The following PTPRM variants were observed in gnomAD, a reference collection of about 807,000 sequenced individuals.
The protein encoded by PTPRM is protein tyrosine phosphatase receptor type M.
Under a neutral mutation model 186.7 loss-of-function variants are expected in PTPRM, and 47 were observed. That is an observed-to-expected ratio of 0.25 (90% CI 0.20 to 0.32). The LOEUF (loss-of-function observed/expected upper bound fraction) is 0.32, where lower values mean the gene tolerates loss of function less well. Among genes scored for constraint, PTPRM ranks in the 10% least tolerant of loss-of-function variants. The probability of loss-of-function intolerance (pLI) is 1.00; values close to 1 mark genes in which losing one functional copy is unlikely to be tolerated. For synonymous variants in PTPRM, 668 were observed against 674.9 expected (o/e 0.99, Z 0.16); for missense variants, 1,494 against 1,865.0 (o/e 0.80, Z 3.66).
At chr18:8,112,386 C>T (rs1211740115) in intron 11 of PTPRM, among the ~76,000 whole-genome samples, 3 of 152,090 alleles carry the variant, frequency 2.0e-5, no homozygotes, top group Non-Finnish European at 4.4e-5. Context: ...CTAGGCATTC[C>T]CCCCATGGGT....
At chr18:8,250,270 G>C (rs905835848) in intron 17 of PTPRM, among the ~76,000 whole-genome samples, 5 of 152,000 alleles carry the variant, frequency 3.3e-5, no homozygotes, top group Non-Finnish European at 7.4e-5. Flanking sequence ...ATGGATGGAT[G>C]GATCGATAGA....
chr18:8,375,603 G>A (rs12455810), intron 24 of PTPRM, among the ~76,000 whole-genome samples: 3,814 of 152,194 alleles, frequency 0.025, 67 homozygotes, highest in African/African-American at 0.048. Context: ...CCAGGATGCC[G>A]GAAAGCCCCA....
At chr18:7,624,720 GC>G (rs1445438009) in intron 1 of PTPRM, among the ~76,000 whole-genome samples, 2 of 152,152 alleles carry the variant, frequency 1.3e-5, no homozygotes, top group Non-Finnish European at 1.5e-5. Flanking sequence ...CAAGCAATCA[GC>G]CCACCTTGGC....
intron 1 of PTPRM, among the ~76,000 whole-genome samples, chr18:7,697,228 A>T (rs1342448965): frequency 6.6e-6 from 1 of 152,194 alleles, no homozygotes; most frequent in African/African-American, 2.4e-5. Context: ...GTTTAGCTCG[A>T]TGAAGCAGTT....
intron 1 of PTPRM, among the ~76,000 whole-genome samples, chr18:7,589,308 T>C (rs997762033): frequency 9.8e-5 from 15 of 152,310 alleles, no homozygotes; most frequent in South Asian, 8.3e-4. Context: ...GGCTTTCTTT[T>C]GGCAGCTATG....
At chr18:8,183,380 C>T (rs1411220033) in intron 14 of PTPRM, among the ~76,000 whole-genome samples, 2 of 152,230 alleles carry the variant, frequency 1.3e-5, no homozygotes, top group South Asian at 2.1e-4. Flanking sequence ...TATAATCAAT[C>T]GGGAGAGACA....
At chr18:8,160,428 T>C (rs1025832684) in intron 14 of PTPRM, among the ~76,000 whole-genome samples, 1 of 152,072 alleles carries the variant, frequency 6.6e-6, no homozygotes, top group African/African-American at 2.4e-5. Flanking sequence ...ACTGCAGACA[T>C]GCGCCACCAC....
intron 2 of PTPRM, among the ~76,000 whole-genome samples, chr18:7,794,117 C>T (rs897066547): frequency 2.6e-5 from 4 of 152,132 alleles, no homozygotes; most frequent in African/African-American, 7.2e-5. Context: ...AATAAAACCT[C>T]GCACTCATTC....
At chr18:8,400,092 C>G (rs1209199274) in intron 32 of PTPRM, among the ~76,000 whole-genome samples, 1 of 152,150 alleles carries the variant, frequency 6.6e-6, no homozygotes, top group Non-Finnish European at 1.5e-5. Context: ...CAGGGCAGAG[C>G]TCAATCACTG....
chr18:8,335,223 C>A (rs2095432095), intron 22 of PTPRM, among the ~76,000 whole-genome samples: 2 of 152,094 alleles, frequency 1.3e-5, no homozygotes, highest in South Asian at 4.1e-4. Context: ...GCTGGAGGAC[C>A]TGCTATCCCC....
At chr18:8,082,468 ACCCT>A (rs1183940454) in intron 9 of PTPRM, among the ~76,000 whole-genome samples, 2 of 136,642 alleles carry the variant, frequency 1.5e-5, no homozygotes, top group African/African-American at 2.7e-5. Flanking sequence ...TTGGAAACCA[ACCCT>A]CCCTCCCTCC....
At chr18:8,067,464 C>G (rs1191342595) in intron 7 of PTPRM, among the ~76,000 whole-genome samples, 1 of 152,114 alleles carries the variant, frequency 6.6e-6, no homozygotes, top group Non-Finnish European at 1.5e-5. Context: ...CATGAGAATG[C>G]CACTCACGAT....
rs889927866 is a variant in PTPRM at position 7,773,113 on chromosome 18, G to GT, written c.74-1026dup. On this transcript the variant is annotated intron_variant, in intron 1 of 32. Transcript: ENST00000580170. ...TATTTTGCATTTTCTATTATTCTTTGTTTTTTTTTTAAGTAGTTTCATTTC... is the reference window on the plus strand; with the variant it reads ...TATTTTGCATTTTCTATTATTCTTTGTTTTTTTTTTTAAGTAGTTTCATTTC... Among the ~76,000 whole-genome samples, 176 of 148,370 alleles carry GT rather than the reference G, an allele frequency of 1.2e-3. 1 individual carries two copies. The highest frequency in any genetic ancestry group is 7.0e-3 in the Middle Eastern group (2 of 286).
chr18:7,688,521 C>G (rs955132807), intron 1 of PTPRM, among the ~76,000 whole-genome samples: 2 of 152,100 alleles, frequency 1.3e-5, no homozygotes, highest in African/African-American at 2.4e-5. Context: ...CTGCGAAGGT[C>G]GAGGACAGGT....
At chr18:7,856,793 G>C (rs958276685) in intron 2 of PTPRM, among the ~76,000 whole-genome samples, 8 of 151,138 alleles carry the variant, frequency 5.3e-5, no homozygotes, top group African/African-American at 1.9e-4. Context: ...TGACACTACT[G>C]TTATCTCCAT....
chr18:8,329,211 G>A (rs1484356150), intron 22 of PTPRM, among the ~76,000 whole-genome samples: 1 of 152,184 alleles, frequency 6.6e-6, no homozygotes, highest in African/African-American at 2.4e-5. Flanking sequence ...TCTTTTAGAG[G>A]TGACAGAAAC....
chr18:8,270,757 A>G (rs1298587940), intron 19 of PTPRM, among the ~76,000 whole-genome samples: 1 of 152,176 alleles, frequency 6.6e-6, no homozygotes, highest in East Asian at 1.9e-4. Flanking sequence ...CGTCAGAGAA[A>G]GATAAACACT....
At chr18:8,329,872 C>T (rs1485565645) in intron 22 of PTPRM, among the ~76,000 whole-genome samples, 4 of 152,138 alleles carry the variant, frequency 2.6e-5, no homozygotes, top group South Asian at 4.1e-4. Context: ...GATCATAGCT[C>T]GCTGTAGCCT....
chr18:7,646,749 G>A (rs954013723), intron 1 of PTPRM, among the ~76,000 whole-genome samples: 23 of 152,040 alleles, frequency 1.5e-4, no homozygotes, highest in African/African-American at 4.6e-4. Context: ...TGCTCAGAGC[G>A]CTTTGTTAGT....
Sources: gnomAD v4.1 joint callset for allele counts (sites outside exome capture counted in the v4.1 genomes callset) on GRCh38, gnomAD v4.1.1 for gene constraint, MANE v1.5 for transcripts, NCBI Gene and HGNC (gene_info 2026-07-23, HGNC 2026-07-21) for gene names.